Variants in ENTHD1 observed in about 807,000 individuals in gnomAD.
The protein encoded by ENTHD1 is ENTH domain containing 1.
ENTHD1 carries 23 observed loss-of-function variants against 39.1 expected under a neutral mutation model. That is an observed-to-expected ratio of 0.59 (90% CI 0.42 to 0.83). The LOEUF is 0.83. Among genes scored for constraint, ENTHD1 ranks in the 40% least tolerant of loss-of-function variants. The pLI is 0.00. For synonymous variants in ENTHD1, 230 were observed against 258.2 expected (o/e 0.89, Z 1.05); for missense variants, 624 against 705.4 (o/e 0.88, Z 1.31).
At chr22:39,889,602 C>T (rs1473664132) in intron 1 of ENTHD1, among the ~76,000 whole-genome samples, 1 of 152,226 alleles carries the variant, frequency 6.6e-6, no homozygotes, top group Non-Finnish European at 1.5e-5. Context: ...AATGTGTTCA[C>T]TGCTTTTAGT....
At chr22:39,834,830 G>A (rs750523729) in intron 4 of ENTHD1, among the ~76,000 whole-genome samples, 54 of 152,086 alleles carry the variant, frequency 3.6e-4, no homozygotes, top group Non-Finnish European at 3.7e-4. Flanking sequence ...ACAACCTGTC[G>A]GCCCCCCAGG....
Position 39,743,542 on chromosome 22 carries a change from T to C in ENTHD1, c.*137A>G, listed in dbSNP as rs2065075507. 2 of 1,006,848 alleles carry C rather than the reference T, an allele frequency of 2.0e-6. No individual in the cohort carries two copies. Among genetic ancestry groups the C allele is most frequent in the Admixed American group, 6.0e-5 (2 of 33,352 alleles). 62.4% of individuals were successfully genotyped at this position (1,006,848 alleles called of 1,614,324 possible). Reference sequence around the variant, plus strand: ...CAAATGAAAGTATTAGTTTGAAAGATACTTGCTAATAAACCTGACAAGGAA... The same window carrying C: ...CAAATGAAAGTATTAGTTTGAAAGACACTTGCTAATAAACCTGACAAGGAA... On this transcript the variant is annotated 3_prime_UTR_variant, in exon 7 of 7. Transcript: ENST00000325157.
chr22:39,875,350 C>T (rs2066279525), intron 2 of ENTHD1: 1 of 1,355,062 alleles, frequency 7.4e-7, no homozygotes, highest in South Asian at 1.9e-5. Context: ...CCACGTCCCG[C>T]GGGGTGGCGG....
intron 5 of ENTHD1, among the ~76,000 whole-genome samples, chr22:39,771,271 A>G (rs2065321469): frequency 6.6e-6 from 1 of 152,202 alleles, no homozygotes; most frequent in Non-Finnish European, 1.5e-5. Context: ...GACCAAAAAT[A>G]GGCAGAAACT....
At chr22:39,842,278 C>T (rs879120852) in intron 3 of ENTHD1, among the ~76,000 whole-genome samples, 21 of 152,214 alleles carry the variant, frequency 1.4e-4, no homozygotes, top group Admixed American at 9.2e-4. Context: ...ATCTGAACGT[C>T]GGCCTGCCTT....
intron 5 of ENTHD1, among the ~76,000 whole-genome samples, chr22:39,784,560 AC>A: frequency 6.6e-6 from 1 of 151,282 alleles, no homozygotes; most frequent in Admixed American, 6.6e-5. Flanking sequence ...ACACACACAC[AC>A]ACACACACAC....
intron 2 of ENTHD1, among the ~76,000 whole-genome samples, chr22:39,883,771 C>A (rs549142242): frequency 2.1e-5 from 3 of 145,756 alleles, no homozygotes; most frequent in African/African-American, 7.6e-5. Context: ...AGGAGAATGG[C>A]GTGAACCTGG....
At chr22:39,811,732 C>A (rs2065687766) in intron 5 of ENTHD1, among the ~76,000 whole-genome samples, 1 of 152,140 alleles carries the variant, frequency 6.6e-6, no homozygotes, top group South Asian at 2.1e-4. Flanking sequence ...GTAATCCCAG[C>A]ACTTTGGGAG....
rs114978051 is a variant in ENTHD1 at position 39,744,132 on chromosome 22, G to T, written c.1371C>A (p.Thr457=). The T allele has an allele frequency of 5.0e-4, 799 of 1,614,096 alleles. 6 individuals carry two copies. The East Asian group carries it at 0.016, about 33-fold the overall frequency. Residue 457 remains threonine (T), a synonymous_variant, in exon 7 of 7, where the codon ACC becomes ACA. Coordinates refer to ENST00000325157, the MANE Select transcript of ENTHD1 (RefSeq NM_152512.4). ...WTLSHQQLSS[T]SFKDEDKTAK... ...CTGTCTTATCTTCATCTTTAAAGGAGGTAGAAGACAACTGTTGATGGGACA... is the reference window on the plus strand; with the variant it reads ...CTGTCTTATCTTCATCTTTAAAGGATGTAGAAGACAACTGTTGATGGGACA...
chr22:39,778,648 C>T (rs1479601034), intron 5 of ENTHD1, among the ~76,000 whole-genome samples: 2 of 152,162 alleles, frequency 1.3e-5, no homozygotes, highest in African/African-American at 2.4e-5. Context: ...CCTTTGGAAA[C>T]ACCTTACTGA....
intron 4 of ENTHD1, among the ~76,000 whole-genome samples, chr22:39,824,981 C>A (rs570171486): frequency 1.6e-4 from 24 of 152,316 alleles, no homozygotes; most frequent in Admixed American, 1.4e-3. Context: ...ATAGGAATTA[C>A]ATTAAACCTA....
At chr22:39,871,492 G>A (rs2066243981) in intron 2 of ENTHD1, among the ~76,000 whole-genome samples, 1 of 152,144 alleles carries the variant, frequency 6.6e-6, no homozygotes. Context: ...AGAAAGTGGA[G>A]GTTGGCTTTA....
At chr22:39,883,129 G>A (rs2066353457) in intron 2 of ENTHD1, among the ~76,000 whole-genome samples, 1 of 151,342 alleles carries the variant, frequency 6.6e-6, no homozygotes, top group Non-Finnish European at 1.5e-5. Flanking sequence ...TGTGTACAAT[G>A]TTATCAATCA....
chr22:39,885,549 TGTTCA>T (rs1457677345), intron 2 of ENTHD1, among the ~76,000 whole-genome samples: 8 of 152,184 alleles, frequency 5.3e-5, no homozygotes, highest in African/African-American at 1.9e-4. Context: ...TACACTCCCA[TGTTCA>T]GTGCAATAGC....
intron 2 of ENTHD1, among the ~76,000 whole-genome samples, chr22:39,883,569 C>T (rs1816739092): frequency 6.6e-6 from 1 of 151,932 alleles, no homozygotes; most frequent in African/African-American, 2.4e-5. Context: ...CTCAACACTT[C>T]TTTCTAGCCA....
chr22:39,744,206 A>C lies in ENTHD1; in HGVS notation c.1297T>G (p.Ser433Ala). ...AGAATTGGTGATAAGAGATGAGCTG[A>C]CTTCTCTGGAGAGGCTAAATCAGGA... ...SSPDLASPEK[S>A]AHLLSPILAG... Residue 433 changes from serine to alanine, a missense_variant, in exon 7 of 7, where the codon TCA becomes GCA. Ser to Ala is a moderately conservative substitution (Grantham distance 99, BLOSUM62 1). Coordinates refer to ENST00000325157, the MANE Select transcript of ENTHD1 (RefSeq NM_152512.4). 1.2e-6 allele frequency: 2 copies of C among 1,614,110 alleles called. No homozygotes were observed. Among genetic ancestry groups the C allele is most frequent in the Non-Finnish European group, 1.7e-6 (2 of 1,179,962 alleles).
At chr22:39,874,635 C>T (rs1245172249) in intron 2 of ENTHD1, 1 of 152,084 alleles carries the variant, frequency 6.6e-6, no homozygotes, top group Non-Finnish European at 1.5e-5. Flanking sequence ...TGACAAAGAA[C>T]TCATATCCAA....
rs2066194244 is a variant in ENTHD1, at chr22:39,867,490, G to T, written c.350-5483C>A. 6.6e-6 allele frequency among the ~76,000 whole-genome samples: 1 copy of T among 151,680 alleles called. No homozygotes were observed. Among genetic ancestry groups the T allele is most frequent in the African/African-American group, 2.4e-5 (1 of 41,242 alleles). ...TATGAACATATACCTCCCAAATTCA[G>T]TTATCCACGTCTATTGACTATACCC... On this transcript the variant is annotated intron_variant, in intron 2 of 6. Transcript: ENST00000325157. The surrounding 1 kb of genome is among the most constrained non-coding windows in gnomAD (Gnocchi z 4.5).
chr22:39,744,852 C>A (rs564107811), intron 6 of ENTHD1, among the ~76,000 whole-genome samples: 11 of 152,254 alleles, frequency 7.2e-5, no homozygotes, highest in African/African-American at 2.6e-4. Context: ...CGTATATAAT[C>A]ATTTTTTTTC....
Sources: gnomAD v4.1 joint callset for allele counts (sites outside exome capture counted in the v4.1 genomes callset) on GRCh38, gnomAD v4.1.1 for gene constraint, Gnocchi (gnomAD v3.1) non-coding constraint, MANE v1.5 for transcripts, NCBI Gene and HGNC (gene_info 2026-07-23, HGNC 2026-07-21) for gene names.